Variants in TDG observed in about 807,000 individuals in gnomAD.
The protein encoded by TDG is G/T mismatch-specific thymine DNA glycosylase.
In TDG, 23 loss-of-function variants were observed where a neutral mutation model predicts 46.1. The ratio of observed to expected loss-of-function variants is 0.50; its 90% CI spans 0.36 to 0.71. The LOEUF is 0.71. TDG is among the 30% of genes least tolerant of loss of function. TDG has a pLI of 0.00. For synonymous variants in TDG, 115 were observed against 161.3 expected, an observed-to-expected ratio of 0.71 and a Z score of 2.18; for missense variants, 304 against 486.7, an observed-to-expected ratio of 0.62 and a Z score of 3.53.
Position 103,987,072 on chromosome 12 carries a change from A to G in TDG, c.1215A>G (p.Glu405=), listed in dbSNP as rs761224477. 6.2e-7 allele frequency: 1 copy of G among 1,614,006 alleles called. No homozygotes were observed. Among genetic ancestry groups the G allele is most frequent in the Non-Finnish European group, 8.5e-7 (1 of 1,179,952 alleles). Residue 405 remains glutamate, a synonymous_variant, in exon 10 of 10, where the codon GAA becomes GAG. Transcript: ENST00000392872. ...FSNHCGTQEQ[E]EESHA is the part of the protein sequence containing the mutation. Reference sequence around the variant, plus strand: ...ATCACTGTGGAACACAAGAACAGGAAGAAGAAAGCCATGCTTAAGAATGGT... The same window carrying G: ...ATCACTGTGGAACACAAGAACAGGAGGAAGAAAGCCATGCTTAAGAATGGT...
Position 103,988,276 on chromosome 12 carries a change from T to C in TDG, c.*1186T>C, listed in dbSNP as rs1268920884. The C allele has an allele frequency of 1.3e-5, 2 of 152,480 alleles. No homozygotes were observed. Among genetic ancestry groups the C allele is most frequent in the African/African-American group, 4.8e-5 (2 of 41,476 alleles). The allele number at this position is 152,480 out of a possible 1,614,324, so 9.4% of individuals were successfully genotyped here. ...TGATTTCATACGTACCCAGGGAGCATGCTGTTTTGTCAATCAATATAAAAT... is the reference window on the plus strand; with the variant it reads ...TGATTTCATACGTACCCAGGGAGCACGCTGTTTTGTCAATCAATATAAAAT... On this transcript the variant is annotated 3_prime_UTR_variant, in exon 10 of 10. Transcript: ENST00000392872.
At chr12:103,973,871 A>T (rs951938007) in intron 1 of TDG, among the ~76,000 whole-genome samples, 1 of 152,148 alleles carries the variant, frequency 6.6e-6, no homozygotes, top group African/African-American at 2.4e-5. Flanking sequence ...TTTTAGCTGC[A>T]TAGTATTTTC....
intron 1 of TDG, among the ~76,000 whole-genome samples, chr12:103,974,165 A>T (rs577248747): frequency 6.6e-6 from 1 of 151,356 alleles, no homozygotes; most frequent in South Asian, 2.1e-4. Flanking sequence ...AAGCTTATCC[A>T]GGAAATGCTT....
intron 7 of TDG, 151 bp downstream of exon 7, chr12:103,983,540 T>G: frequency 1.9e-6 from 1 of 534,012 alleles, no homozygotes. Flanking sequence ...CTTTAACTAA[T>G]AGTTGTAAAT....
At chr12:103,977,991 C>G (rs1871620838) in intron 2 of TDG, among the ~76,000 whole-genome samples, 1 of 151,968 alleles carries the variant, frequency 6.6e-6, no homozygotes, top group African/African-American at 2.4e-5. Flanking sequence ...GAGGCGGAGG[C>G]TGAGAGGCTG....
intron 1 of TDG, among the ~76,000 whole-genome samples, chr12:103,973,589 A>T (rs926472364): frequency 6.6e-6 from 1 of 152,216 alleles, no homozygotes; most frequent in Non-Finnish European, 1.5e-5. Context: ...ACTCATCATT[A>T]GAATATTTAA....
At chr12:103,983,535 ACTAATAG>A (rs1871969237) in intron 7 of TDG, 146 bp downstream of exon 7, 1 of 543,084 alleles carries the variant, frequency 1.8e-6, no homozygotes, top group Admixed American at 3.9e-5. Context: ...ATCAGCTTTA[ACTAATAG>A]TTGTAAATTA....
chr12:103,973,327 C>T (rs1214386630), intron 1 of TDG, among the ~76,000 whole-genome samples: 1 of 152,072 alleles, frequency 6.6e-6, no homozygotes, highest in African/African-American at 2.4e-5. Flanking sequence ...TCAGGTGATC[C>T]GCCCGCCTTG....
chr12:103,972,470 G>A (rs190484548), intron 1 of TDG, among the ~76,000 whole-genome samples: 1 of 152,190 alleles, frequency 6.6e-6, no homozygotes, highest in Non-Finnish European at 1.5e-5. Flanking sequence ...AGATTTTTGT[G>A]TAGATGTAAT....
chr12:103,979,109 CTT>C lies in TDG; in HGVS notation c.167-711_167-710del, dbSNP rs372883902. ...GCCATTGTGTTTTTCTTTTTTCTTT[CTT>C]TTTTTTTTTTGGACAGAGTCTTGCT... On this transcript the variant is annotated intron_variant, in intron 2 of 9. Coordinates refer to ENST00000392872, the MANE Select transcript of TDG (RefSeq NM_003211.6). 8.1e-5 allele frequency among the ~76,000 whole-genome samples: 10 copies of C among 123,570 alleles called. No homozygotes were observed. The East Asian group carries it at 1.7e-3, about 21-fold the overall frequency. 81.1% of individuals were successfully genotyped at this position (123,570 alleles called of 152,430 possible).
At position 103,984,742 on chromosome 12, in the gene TDG, AT is replaced by A; in HGVS notation, c.793-5del. On this transcript the variant is annotated splice_polypyrimidine_tract_variant and splice_region_variant and intron_variant, in intron 7 of 9. Coordinates refer to ENST00000392872, the MANE Select transcript of TDG (RefSeq NM_003211.6). ...ATTTCTGAAATTATAAAATGTTGTG[AT>A]TCTAGCTCTGCTATGTTATGCCATC... 1 of 1,549,596 alleles carries A rather than the reference AT, an allele frequency of 6.5e-7. No individual in the cohort carries two copies. The highest frequency in any genetic ancestry group is 1.9e-5 in the Admixed American group (1 of 51,738).
intron 9 of TDG, 46 bp downstream of exon 9, chr12:103,985,774 C>A: frequency 1.3e-6 from 2 of 1,487,146 alleles, no homozygotes; most frequent in South Asian, 1.5e-5. Flanking sequence ...ACGGTTTGGT[C>A]AGGATTGGGG....
At chr12:103,972,342 C>T (rs1367086220) in intron 1 of TDG, among the ~76,000 whole-genome samples, 1 of 152,182 alleles carries the variant, frequency 6.6e-6, no homozygotes, top group Non-Finnish European at 1.5e-5. Flanking sequence ...CGGTCTCGAA[C>T]TCCTAACCTC....
chr12:103,977,277 G>A (rs955797154), intron 2 of TDG, among the ~76,000 whole-genome samples: 16 of 152,198 alleles, frequency 1.1e-4, no homozygotes, highest in Admixed American at 9.2e-4. Context: ...AAAGTAATAA[G>A]TAAATACACG....
rs1762006773 is a variant in TDG, at chr12:103,987,073, GAAGA to G, written c.1220_1223del (p.Glu407AlafsTer29). On this transcript the variant is annotated frameshift_variant, in exon 10 of 10. Coordinates refer to ENST00000392872, the MANE Select transcript of TDG (RefSeq NM_003211.6). LOFTEE classifies it high-confidence loss of function. ...TCACTGTGGAACACAAGAACAGGAA[GAAGA>G]AAGCCATGCTTAAGAATGGTGCTTC... 6.2e-7 allele frequency: 1 copy of G among 1,613,832 alleles called. No individual in the cohort carries two copies. Among genetic ancestry groups the G allele is most frequent in the Non-Finnish European group, 8.5e-7 (1 of 1,179,940 alleles).
chr12:103,970,668 G>C (rs1254332584), intron 1 of TDG, among the ~76,000 whole-genome samples: 1 of 151,902 alleles, frequency 6.6e-6, no homozygotes. Context: ...GATCACTTGA[G>C]CCCAGGAGTT....
intron 9 of TDG, 48 bp downstream of exon 9, chr12:103,985,776 G>A: frequency 7.0e-7 from 1 of 1,434,444 alleles, no homozygotes; most frequent in South Asian, 1.7e-5. Context: ...GGTTTGGTCA[G>A]GATTGGGGGG....
intron 1 of TDG, among the ~76,000 whole-genome samples, chr12:103,967,136 C>G (rs1226067954): frequency 4.6e-5 from 7 of 152,216 alleles, no homozygotes; most frequent in Admixed American, 1.3e-4. Context: ...CATAACCTCA[C>G]TTAAGAGCAG....
At chr12:103,983,738 C>T (rs1233846518) in intron 7 of TDG, among the ~76,000 whole-genome samples, 9 of 152,106 alleles carry the variant, frequency 5.9e-5, no homozygotes, top group Admixed American at 5.9e-4. Flanking sequence ...AACATGGAAA[C>T]ACAGACATGA....
Sources: allele counts gnomAD v4.1 joint callset (sites outside exome capture counted in the v4.1 genomes callset), GRCh38; gene constraint gnomAD v4.1.1; transcripts MANE v1.5; gene names NCBI Gene and HGNC (gene_info 2026-07-23, HGNC 2026-07-21).